Variants in SPTBN1 observed in about 807,000 individuals in gnomAD.
SPTBN1 encodes the protein spectrin beta, non-erythrocytic 1.
Under a neutral mutation model 266.4 loss-of-function variants are expected in SPTBN1, and 32 were observed. That is an observed-to-expected ratio of 0.12 (90% CI 0.09 to 0.16). The LOEUF is 0.16. SPTBN1 is among the 10% of genes least tolerant of loss of function. The pLI, the probability that SPTBN1 is intolerant of heterozygous loss-of-function variation, is 1.00. For missense variants in SPTBN1, 2,296 were observed against 3,067.1 expected, an observed-to-expected ratio of 0.75 and a Z score of 5.94; for synonymous variants, 1,336 against 1,162.2, an observed-to-expected ratio of 1.15 and a Z score of -3.04.
At chr2:54,502,844 T>A (rs1317742159) in intron 1 of SPTBN1, among the ~76,000 whole-genome samples, 1 of 152,186 alleles carries the variant, frequency 6.6e-6, no homozygotes, top group African/African-American at 2.4e-5. Flanking sequence ...AGCAGTCTGG[T>A]TGAAGAGGGC....
intron 5 of SPTBN1, among the ~76,000 whole-genome samples, chr2:54,617,219 G>C (rs948217429): frequency 6.6e-6 from 1 of 152,222 alleles, no homozygotes; most frequent in Admixed American, 6.5e-5. Context: ...ACCACTTCTT[G>C]TCCCAAAGTA....
chr2:54,550,973 C>T (rs1354636106), intron 2 of SPTBN1, among the ~76,000 whole-genome samples: 3 of 152,208 alleles, frequency 2.0e-5, no homozygotes, highest in African/African-American at 7.2e-5. Flanking sequence ...TTCTCCTACC[C>T]TCTCCAAGTG....
intron 2 of SPTBN1, among the ~76,000 whole-genome samples, chr2:54,583,084 G>T (rs982627411): frequency 1.3e-5 from 2 of 151,938 alleles, no homozygotes; most frequent in African/African-American, 4.8e-5. Context: ...TCCCACTTGC[G>T]TAGCTGAAGC....
intron 2 of SPTBN1, among the ~76,000 whole-genome samples, chr2:54,563,219 C>T (rs1228282511): frequency 2.6e-5 from 4 of 152,202 alleles, no homozygotes; most frequent in African/African-American, 9.7e-5. Flanking sequence ...CTCCTGCCAA[C>T]CTGCCCCTGG....
At chr2:54,570,386 C>T (rs540878597) in intron 2 of SPTBN1, among the ~76,000 whole-genome samples, 1 of 152,280 alleles carries the variant, frequency 6.6e-6, no homozygotes, top group South Asian at 2.1e-4. Context: ...CTTTTTAATG[C>T]TGAAATTATG....
At chr2:54,507,723 T>G (rs1669648767) in intron 1 of SPTBN1, among the ~76,000 whole-genome samples, 1 of 151,308 alleles carries the variant, frequency 6.6e-6, no homozygotes, top group African/African-American at 2.4e-5. Flanking sequence ...TATCTTTGAG[T>G]TTTTTTTAAT....
At chr2:54,555,324 G>T (rs536241181) in intron 2 of SPTBN1, among the ~76,000 whole-genome samples, 3 of 152,260 alleles carry the variant, frequency 2.0e-5, no homozygotes, top group African/African-American at 7.2e-5. Flanking sequence ...TCACCCAGTG[G>T]TATTGCAGGT....
rs192948584 is a variant in SPTBN1 at position 54,510,434 on chromosome 2, A to G, written c.-47-15938A>G. On this transcript the variant is annotated intron_variant, in intron 1 of 35. Coordinates refer to ENST00000356805, the MANE Select transcript of SPTBN1 (RefSeq NM_003128.3). ...TGGTCCATAACACTCAGGCACCACTAAAAATCCAGCTACTGCTGGTGCCCA... is the reference window on the plus strand; with the variant it reads ...TGGTCCATAACACTCAGGCACCACTGAAAATCCAGCTACTGCTGGTGCCCA... Among the ~76,000 whole-genome samples, 12 of 152,312 alleles carry G rather than the reference A, an allele frequency of 7.9e-5. No homozygotes were observed. The East Asian group carries it at 2.1e-3, about 27-fold the overall frequency.
intron 2 of SPTBN1, among the ~76,000 whole-genome samples, chr2:54,530,594 T>G (rs1671174181): frequency 6.6e-6 from 1 of 152,164 alleles, no homozygotes; most frequent in East Asian, 1.9e-4. Context: ...CCTGACCTCA[T>G]GATCTGCCCG....
intron 1 of SPTBN1, among the ~76,000 whole-genome samples, chr2:54,461,178 G>T (rs1231090499): frequency 1.3e-5 from 2 of 152,106 alleles, no homozygotes; most frequent in African/African-American, 4.8e-5. Flanking sequence ...TCTTGATTGT[G>T]TATGATTTTG....
intron 2 of SPTBN1, among the ~76,000 whole-genome samples, chr2:54,547,871 G>C (rs1240669752): frequency 6.6e-6 from 1 of 152,198 alleles, no homozygotes; most frequent in Admixed American, 6.5e-5. Flanking sequence ...GTGGCCAGGC[G>C]TGGTGGCTCA....
chr2:54,626,007 G>A lies in SPTBN1; in HGVS notation c.1417G>A (p.Ala473Thr), dbSNP rs752434436. 1.5e-5 allele frequency: 24 copies of A among 1,614,044 alleles called. No individual in the cohort carries two copies. Among genetic ancestry groups the A allele is most frequent in the South Asian group, 5.5e-5 (5 of 91,090 alleles). ...CGAGGCCATTGAGACAGACATTGCC[G>A]CATACGAGGAGCGTGTGCAGGCTGT... Reference protein sequence around the residue: ...KHEAIETDIAAYEERVQAVVA... With the variant: ...KHEAIETDIATYEERVQAVVA... Residue 473 changes from alanine to threonine, a missense_variant, in exon 12 of 36, where the codon GCA becomes ACA. Physicochemically the swap from Ala to Thr is moderately conservative, Grantham distance 58. Around this residue, in one of 12 missense-constraint regions of SPTBN1, gnomAD observed 6 missense variants for 31.5 expected, o/e 0.19. Transcript: ENST00000356805. This position sits in a 1 kb window ranked among gnomAD's most constrained non-coding sequence, Gnocchi z 4.7.
intron 15 of SPTBN1, 124 bp from the exon 16 acceptor site, chr2:54,630,731 C>A: frequency 1.6e-6 from 2 of 1,212,404 alleles, no homozygotes; most frequent in Non-Finnish European, 2.2e-6. Flanking sequence ...TCCAAAAAAG[C>A]ATGTAGTCAA....
intron 2 of SPTBN1, among the ~76,000 whole-genome samples, chr2:54,575,905 A>C (rs572137920): frequency 9.8e-5 from 15 of 152,310 alleles, no homozygotes. Context: ...CTGAGACAGG[A>C]ATTAACCTGT....
intron 10 of SPTBN1, 102 bp downstream of exon 10, chr2:54,623,698 G>C: frequency 4.4e-6 from 4 of 910,898 alleles, no homozygotes; most frequent in Non-Finnish European, 6.7e-6. Flanking sequence ...GGAAGGGGCT[G>C]TCCCCACCTG....
At chr2:54,603,114 C>A (rs1676606002) in intron 3 of SPTBN1, among the ~76,000 whole-genome samples, 1 of 152,122 alleles carries the variant, frequency 6.6e-6, no homozygotes, top group Middle Eastern at 3.2e-3. Flanking sequence ...CCCTAGAGTT[C>A]AGAAGGGGAG....
Position 54,533,710 on chromosome 2 carries a change from C to T in SPTBN1, c.148+7144C>T, listed in dbSNP as rs1573359190. ...GGACTACAGGCACCCGCCACCACACCTGGCTAATTTTTGTATTTTTAGTAG... is the reference window on the plus strand; with the variant it reads ...GGACTACAGGCACCCGCCACCACACTTGGCTAATTTTTGTATTTTTAGTAG... On this transcript the variant is annotated intron_variant, in intron 2 of 35. Coordinates refer to ENST00000356805, the MANE Select transcript of SPTBN1 (RefSeq NM_003128.3). The surrounding 1 kb of genome is among the most constrained non-coding windows in gnomAD (Gnocchi z 4.2). Among the ~76,000 whole-genome samples the T allele has an allele frequency of 6.6e-6, 1 of 152,098 alleles. No homozygotes were observed. The highest frequency in any genetic ancestry group is 1.9e-4 in the East Asian group (1 of 5,194).
rs1223567554 is a variant in SPTBN1, at chr2:54,622,455, C to T, written c.1032C>T (p.Phe344=). 1.2e-6 allele frequency: 2 copies of T among 1,614,014 alleles called. No individual in the cohort carries two copies. Among genetic ancestry groups the T allele is most frequent in the Non-Finnish European group, 1.7e-6 (2 of 1,180,024 alleles). Residue 344 remains phenylalanine, a synonymous_variant, in exon 9 of 36, where the codon TTC becomes TTT. Coordinates refer to ENST00000356805, the MANE Select transcript of SPTBN1 (RefSeq NM_003128.3). ...GGGTTCAACAGCAGCTTCAGGCATT[C>T]AACACTTACCGCACTGTGGAGAAAC... is the stretch of plus-strand genomic sequence containing the variant. The part of the protein sequence containing the change: ...LVGVQQQLQA[F]NTYRTVEKPP...
intron 2 of SPTBN1, among the ~76,000 whole-genome samples, chr2:54,579,279 G>A (rs911840327): frequency 6.6e-6 from 1 of 152,102 alleles, no homozygotes; most frequent in Non-Finnish European, 1.5e-5. Context: ...TTGACCTGAG[G>A]CATCCCTCAG....
Sources: allele counts gnomAD v4.1 joint callset (sites outside exome capture counted in the v4.1 genomes callset), GRCh38; gene constraint gnomAD v4.1.1; regional missense constraint gnomAD v4.1.1; non-coding constraint Gnocchi (gnomAD v3.1); transcripts MANE v1.5; gene names NCBI Gene and HGNC (gene_info 2026-07-23, HGNC 2026-07-21).